The following HK1 variants were observed in gnomAD, a reference collection of about 807,000 sequenced individuals.
The protein encoded by HK1 is hexokinase-1.
Under a neutral mutation model 91.6 loss-of-function variants are expected in HK1, and 28 were observed. The ratio of observed to expected loss-of-function variants is 0.31; its 90% CI spans 0.23 to 0.42. HK1 has a LOEUF of 0.42. Among genes scored for constraint, HK1 ranks in the 10% least tolerant of loss-of-function variants. The pLI, the probability that HK1 is intolerant of heterozygous loss-of-function variation, is 1.00. For synonymous variants in HK1, 430 were observed against 468.1 expected, an observed-to-expected ratio of 0.92 and a Z score of 1.05; for missense variants, 770 against 1,219.8, an observed-to-expected ratio of 0.63 and a Z score of 5.49.
At chr10:69,285,301 G>T (rs1844974309) in intron 2 of HK1, among the ~76,000 whole-genome samples, 1 of 152,168 alleles carries the variant, frequency 6.6e-6, no homozygotes, top group South Asian at 2.1e-4. Flanking sequence ...GCGGGCGCCT[G>T]TAGTCCCAGC....
upstream of HK1, among the ~76,000 whole-genome samples, chr10:69,311,536 G>A (rs1589464984): frequency 6.6e-6 from 1 of 152,164 alleles, no homozygotes; most frequent in Non-Finnish European, 1.5e-5. Context: ...ATTTCATTTG[G>A]GGAAACCATT....
chr10:69,348,228 G>C (rs1367700344), intron 2 of HK1, among the ~76,000 whole-genome samples: 2 of 152,146 alleles, frequency 1.3e-5, no homozygotes, highest in Non-Finnish European at 2.9e-5. Context: ...CTAGAAGCTT[G>C]GATGTGCCAT....
chr10:69,373,435 G>A (rs1223079825), intron 7 of HK1, among the ~76,000 whole-genome samples: 1 of 152,108 alleles, frequency 6.6e-6, no homozygotes, highest in South Asian at 2.1e-4. Flanking sequence ...AGAGCCAGAA[G>A]GTCTGTTTCT....
Position 69,327,067 on chromosome 10 carries a change from C to T in HK1, c.63+8057C>T, listed in dbSNP as rs1024011968. On this transcript the variant is annotated intron_variant, in intron 1 of 17. Transcript: ENST00000359426. ...TTGCCCAGGCTGGAGTGCAGTGGCA[C>T]GGTCTCAGCTCACAGCAACCTCTGC... Among the ~76,000 whole-genome samples the T allele has an allele frequency of 4.9e-5, 7 of 143,366 alleles. No individual in the cohort carries two copies. In the East Asian group the frequency reaches 6.2e-4, roughly 13 times the overall value. The allele number at this position is 143,366 out of a possible 152,430, so 94.1% of individuals were successfully genotyped here. A position where few individuals can be genotyped will look rare whatever the true frequency, so the allele number is the denominator to read the frequency against.
rs1426009362 is a variant in HK1, at chr10:69,369,295, G to A, written c.650G>A (p.Cys217Tyr). Residue 217 changes from cysteine to tyrosine, a missense_variant, in exon 6 of 18, where the codon TGT (cysteine) becomes TAT (tyrosine). Physicochemically the swap from Cys to Tyr is radical, Grantham distance 194. Around this residue, in one of 7 missense-constraint regions of HK1, gnomAD observed 449 missense variants for 665.1 expected, o/e 0.68. Coordinates refer to ENST00000359426, the MANE Select transcript of HK1 (RefSeq NM_000188.3). The surrounding 1 kb of genome is among the most constrained non-coding windows in gnomAD (Gnocchi z 4.4). ...GACACAGTGGGCACCATGATGACCT[G>A]TGGCTATGACGACCAGCACTGTGAA... ...VNDTVGTMMTCGYDDQHCEVG... is the reference protein window; with the variant it reads ...VNDTVGTMMTYGYDDQHCEVG... 6.2e-7 allele frequency: 1 copy of A among 1,614,230 alleles called. No individual in the cohort carries two copies. Among genetic ancestry groups the A allele is most frequent in the Non-Finnish European group, 8.5e-7 (1 of 1,180,030 alleles).
At chr10:69,288,871 C>T (rs568051277) in intron 3 of HK1, 3 of 987,698 alleles carry the variant, frequency 3.0e-6, no homozygotes, top group Non-Finnish European at 3.1e-6. Flanking sequence ...ACTATAACCT[C>T]TGCCTCCCGG....
intron 7 of HK1, among the ~76,000 whole-genome samples, chr10:69,374,468 G>A (rs557111973): frequency 6.6e-6 from 1 of 152,350 alleles, no homozygotes; most frequent in East Asian, 1.9e-4. Flanking sequence ...AAAAGGGCCC[G>A]GGCGTTACCC....
At chr10:69,387,063 TCA>T (rs1222992037) in intron 13 of HK1, among the ~76,000 whole-genome samples, 1 of 152,046 alleles carries the variant, frequency 6.6e-6, no homozygotes, top group Non-Finnish European at 1.5e-5. Flanking sequence ...ACAAACAATT[TCA>T]CAGAGTCCAC....
intron 1 of HK1, among the ~76,000 whole-genome samples, chr10:69,325,436 C>T (rs1319851244): frequency 6.6e-6 from 1 of 151,614 alleles, no homozygotes; most frequent in African/African-American, 2.4e-5. Context: ...CGGCTCATTG[C>T]AACCTCTGTC....
intron 1 of HK1, among the ~76,000 whole-genome samples, chr10:69,322,777 C>T (rs371588241): frequency 5.9e-5 from 9 of 151,760 alleles, no homozygotes; most frequent in Admixed American, 5.9e-4. Context: ...GTAATCCCAG[C>T]TACTTGGGAG....
At chr10:69,381,257 G>T (rs373399468) in intron 9 of HK1, among the ~76,000 whole-genome samples, 2 of 152,156 alleles carry the variant, frequency 1.3e-5, no homozygotes, top group South Asian at 4.1e-4. Flanking sequence ...CTACACTCCA[G>T]CCTGGGGGAC....
chr10:69,368,473 C>T (rs1322826098), intron 4 of HK1, 63 bp from the exon 5 acceptor site: 20 of 1,406,188 alleles, frequency 1.4e-5, no homozygotes, highest in Non-Finnish European at 1.8e-5. Context: ...GAGCAATGCC[C>T]AGGGCCTTGG....
At chr10:69,378,216 T>C (rs1456346290) in intron 8 of HK1, among the ~76,000 whole-genome samples, 1 of 152,058 alleles carries the variant, frequency 6.6e-6, no homozygotes, top group African/African-American at 2.4e-5. Flanking sequence ...CATGCCTTCC[T>C]CTTGGCCTGT....
At chr10:69,373,930 G>A (rs1168442983) in intron 7 of HK1, among the ~76,000 whole-genome samples, 1 of 152,088 alleles carries the variant, frequency 6.6e-6, no homozygotes, top group Non-Finnish European at 1.5e-5. Flanking sequence ...TCTGTGTTCT[G>A]CCTGGAATCT....
At chr10:69,365,952 C>T (rs1220523502) in intron 4 of HK1, among the ~76,000 whole-genome samples, 1 of 152,114 alleles carries the variant, frequency 6.6e-6, no homozygotes, top group East Asian at 1.9e-4. Context: ...CTGCCTTAGC[C>T]CCCCTAGTGC....
intron 3 of HK1, among the ~76,000 whole-genome samples, chr10:69,293,961 A>T (rs1332094515): frequency 7.1e-6 from 1 of 141,282 alleles, no homozygotes; most frequent in Admixed American, 7.9e-5. Flanking sequence ...TCCCGGGTTC[A>T]CGCCATTCTC....
Position 69,276,115 on chromosome 10 carries a change from A to AT in HK1, c.-391+6007_-391+6008insT, listed in dbSNP as rs1564746772. The stretch of plus-strand genomic sequence containing the variant: ...CAAAAAAAAAAAAAAAAAAAAAAAA[A>AT]AAAATACATATATATATATATATAC... On this transcript the variant is annotated intron_variant, in intron 1 of 21. Coordinates refer to the HK1 transcript ENST00000360289. Among the ~76,000 whole-genome samples, 32 of 71,844 alleles carry AT rather than the reference A, an allele frequency of 4.5e-4. 1 individual carries two copies. The highest frequency in any genetic ancestry group is 1.4e-3 in the African/African-American group (24 of 17,208). 47.1% of individuals were successfully genotyped at this position (71,844 alleles called of 152,430 possible).
intron 1 of HK1, among the ~76,000 whole-genome samples, chr10:69,325,044 A>AT (rs1046990181): frequency 0.062 from 5,816 of 93,848 alleles, 333 homozygotes; most frequent in African/African-American, 0.11. Flanking sequence ...AAAAATGTGT[A>AT]TTTTTTTTTT....
intron 4 of HK1, chr10:69,296,215 A>G (rs2132481235): frequency 5.9e-6 from 1 of 169,788 alleles, no homozygotes; most frequent in Middle Eastern, 3.0e-3. Context: ...CACACAGCTT[A>G]CTATCTCTTT....
Sources: allele counts gnomAD v4.1 joint callset (sites outside exome capture counted in the v4.1 genomes callset), GRCh38; gene constraint gnomAD v4.1.1; regional missense constraint gnomAD v4.1.1; non-coding constraint Gnocchi (gnomAD v3.1); transcripts MANE v1.5; gene names NCBI Gene and HGNC (gene_info 2026-07-23, HGNC 2026-07-21).